Variants in SNTG2 observed in about 807,000 individuals in gnomAD.
SNTG2 encodes the protein syntrophin gamma 2, also known as gamma-2-syntrophin.
Under a neutral mutation model 70.9 loss-of-function variants are expected in SNTG2, and 74 were observed. The ratio of observed to expected loss-of-function variants is 1.04; its 90% CI spans 0.86 to 1.27. The LOEUF (loss-of-function observed/expected upper bound fraction) is 1.27. Ranked by LOEUF, SNTG2 falls within the 50% of genes most tolerant of loss-of-function variation. SNTG2 has a pLI of 0.00. For missense variants in SNTG2, 717 were observed against 690.7 expected (o/e 1.04, Z -0.43); for synonymous variants, 278 against 273.8 (o/e 1.02, Z -0.15).
At chr2:996,673 G>GTTTTTGTTTTTTT (rs1661690738) in intron 1 of SNTG2, among the ~76,000 whole-genome samples, 1 of 35,114 alleles carries the variant, frequency 2.8e-5, no homozygotes, top group Non-Finnish European at 4.9e-5. Flanking sequence ...GAGTTACCCA[G>GTTTTTGTTTTTTT]TTTTTTTTTT....
intron 14 of SNTG2, among the ~76,000 whole-genome samples, chr2:1,297,465 G>A (rs965080917): frequency 2.0e-5 from 3 of 152,086 alleles, no homozygotes; most frequent in African/African-American, 7.3e-5. Flanking sequence ...ACATCTTGGA[G>A]TTGCACAACA....
chr2:1,303,531 A>T (rs1477543128), intron 14 of SNTG2, among the ~76,000 whole-genome samples: 1 of 152,240 alleles, frequency 6.6e-6, no homozygotes, highest in East Asian at 1.9e-4. Flanking sequence ...TGCATTCATT[A>T]GAGAAGAGGA....
At chr2:1,307,155 C>T (rs1680721146) in intron 14 of SNTG2, among the ~76,000 whole-genome samples, 1 of 134,400 alleles carries the variant, frequency 7.4e-6, no homozygotes, top group South Asian at 2.5e-4. Flanking sequence ...GAGCCATGTG[C>T]TGTGTGTGTG....
At chr2:1,009,134 G>A (rs1348029795) in intron 1 of SNTG2, among the ~76,000 whole-genome samples, 4 of 133,830 alleles carry the variant, frequency 3.0e-5, no homozygotes, top group South Asian at 3.0e-4. Context: ...GTCCTGGATC[G>A]TGTGTATGGC....
At chr2:1,356,998 TA>T (rs1660889206) in intron 16 of SNTG2, among the ~76,000 whole-genome samples, 2 of 152,056 alleles carry the variant, frequency 1.3e-5, no homozygotes, top group Admixed American at 1.3e-4. Context: ...AATGCAACTT[TA>T]TTGTGTGTAT....
chr2:1,021,220 T>C (rs934540793), intron 1 of SNTG2, among the ~76,000 whole-genome samples: 1 of 152,194 alleles, frequency 6.6e-6, no homozygotes, highest in Non-Finnish European at 1.5e-5. Flanking sequence ...TACAGTCAGT[T>C]ACGGTAGCTA....
chr2:1,341,820 C>G (rs982262506), intron 16 of SNTG2: 1 of 150,880 alleles, frequency 6.6e-6, no homozygotes, highest in Non-Finnish European at 1.5e-5. Flanking sequence ...CCCAACAATG[C>G]TCTTTTTGTT....
rs115187782 is a variant in SNTG2, at chr2:955,227, C to T, written c.72+4159C>T. On this transcript the variant is annotated intron_variant, in intron 1 of 16. Transcript: ENST00000308624. ...CATGGCCTGTTATTTTGCAATAATC[C>T]GCATTAGTGTTAATGAAAAAGGTGA... 7.4e-3 allele frequency among the ~76,000 whole-genome samples: 1,125 copies of T among 152,226 alleles called. 18 individuals carry two copies. Among genetic ancestry groups the T allele is most frequent in the African/African-American group, 0.026 (1,066 of 41,536 alleles).
chr2:1,356,947 T>TA lies in SNTG2; in HGVS notation c.1489-10396_1489-10395insA, dbSNP rs1047709822. On this transcript the variant is annotated intron_variant, in intron 16 of 16. Transcript: ENST00000308624. ...GCTATTGTAAGTGGGTTTTTTTTTT[T>TA]CTTAATGTCTATTTTGGATCGTCTG... 3.6e-4 allele frequency among the ~76,000 whole-genome samples: 55 copies of TA among 151,402 alleles called. 2 individuals carry two copies. The Middle Eastern group carries it at 0.031, about 84-fold the overall frequency.
intron 9 of SNTG2, among the ~76,000 whole-genome samples, chr2:1,222,526 C>CAGCCCG (rs1675358021): frequency 7.8e-6 from 1 of 127,670 alleles, no homozygotes; most frequent in East Asian, 2.4e-4. Context: ...GTCCTGCCTG[C>CAGCCCG]TGCTGGAGGT....
At chr2:1,193,093 G>A (rs1340753607) in intron 8 of SNTG2, among the ~76,000 whole-genome samples, 1 of 152,228 alleles carries the variant, frequency 6.6e-6, no homozygotes, top group Non-Finnish European at 1.5e-5. Flanking sequence ...GCAGGGCAGG[G>A]GCTGTGGCCC....
At chr2:1,017,587 G>A (rs116201475) in intron 1 of SNTG2, among the ~76,000 whole-genome samples, 1 of 152,268 alleles carries the variant, frequency 6.6e-6, no homozygotes, top group African/African-American at 2.4e-5. Flanking sequence ...ACACATGTAT[G>A]TACATGTATT....
chr2:961,521 T>A (rs1054936168), intron 1 of SNTG2, among the ~76,000 whole-genome samples: 3 of 152,254 alleles, frequency 2.0e-5, no homozygotes, highest in African/African-American at 7.2e-5. Context: ...TTTAATTTTC[T>A]TACTCAGAAT....
At chr2:1,112,198 A>C (rs959722593) in intron 4 of SNTG2, among the ~76,000 whole-genome samples, 74 of 151,674 alleles carry the variant, frequency 4.9e-4, no homozygotes, top group Non-Finnish European at 7.6e-4. Context: ...TAACCCTTAC[A>C]GTCCTTTGAG....
intron 6 of SNTG2, among the ~76,000 whole-genome samples, chr2:1,138,496 A>G (rs1310943488): frequency 6.6e-6 from 1 of 152,126 alleles, no homozygotes; most frequent in African/African-American, 2.4e-5. Context: ...ACGCGTGGTC[A>G]GTCTGGTGCC....
chr2:1,304,186 C>A (rs185885001), intron 14 of SNTG2, among the ~76,000 whole-genome samples: 231 of 152,338 alleles, frequency 1.5e-3, no homozygotes, highest in African/African-American at 5.1e-3. Flanking sequence ...TACAGACACT[C>A]AATCTTCAAG....
intron 6 of SNTG2, among the ~76,000 whole-genome samples, chr2:1,154,803 C>T (rs1669744166): frequency 6.6e-6 from 1 of 152,000 alleles, no homozygotes; most frequent in African/African-American, 2.4e-5. Context: ...CCAACACATA[C>T]ATCCCACACA....
intron 4 of SNTG2, among the ~76,000 whole-genome samples, chr2:1,121,081 AAATC>A (rs1404182073): frequency 6.6e-6 from 1 of 151,960 alleles, no homozygotes; most frequent in African/African-American, 2.4e-5. Context: ...AGGAAACTAA[AAATC>A]AGTAACAGGA....
At chr2:1,146,513 TTCTAGCAAAAA>T (rs1292398006) in intron 6 of SNTG2, among the ~76,000 whole-genome samples, 1 of 63,004 alleles carries the variant, frequency 1.6e-5, no homozygotes, top group East Asian at 5.3e-3. Context: ...TCAACCAAAA[TTCTAGCAAAAA>T]GTTTTGTGGA....
Sources: allele counts gnomAD v4.1 joint callset (sites outside exome capture counted in the v4.1 genomes callset), GRCh38; gene constraint gnomAD v4.1.1; transcripts MANE v1.5; gene names NCBI Gene and HGNC (gene_info 2026-07-23, HGNC 2026-07-21).